The following PARD3B variants were observed in gnomAD, a reference collection of about 807,000 sequenced individuals.
PARD3B encodes the protein partitioning defective 3 homolog B.
PARD3B carries 103 observed loss-of-function variants against 130.2 expected under a neutral mutation model. The ratio of observed to expected loss-of-function variants is 0.79; its 90% CI spans 0.67 to 0.93. PARD3B has a LOEUF of 0.93. Ranked by LOEUF, PARD3B falls within the 40% of genes least tolerant of loss-of-function variation. The probability of loss-of-function intolerance (pLI) is 0.00; values close to 1 mark genes in which losing one functional copy is unlikely to be tolerated. For missense variants in PARD3B, 1,609 were observed against 1,499.2 expected, an observed-to-expected ratio of 1.07 and a Z score of -1.21; for synonymous variants, 583 against 553.2, an observed-to-expected ratio of 1.05 and a Z score of -0.76.
intron 2 of PARD3B, among the ~76,000 whole-genome samples, chr2:204,724,117 C>T (rs1176622015): frequency 3.3e-5 from 5 of 152,126 alleles, no homozygotes; most frequent in Non-Finnish European, 7.4e-5. Context: ...CTTAGCATTA[C>T]TTTTGATATT....
chr2:204,998,352 ATATATATGTGTG>A (rs1195671136), intron 3 of PARD3B, among the ~76,000 whole-genome samples: 1 of 74,932 alleles, frequency 1.3e-5, no homozygotes, highest in Non-Finnish European at 2.4e-5. Context: ...ATATATATAT[ATATATATGTGTG>A]TGTGTGTGTG....
At chr2:205,317,103 C>T (rs1462336142) in intron 18 of PARD3B, among the ~76,000 whole-genome samples, 2 of 151,996 alleles carry the variant, frequency 1.3e-5, no homozygotes, top group African/African-American at 2.4e-5. Context: ...TTGACTAAAC[C>T]CCTTTAGATA....
intron 1 of PARD3B, among the ~76,000 whole-genome samples, chr2:204,680,058 A>G (rs1249204069): frequency 6.6e-6 from 1 of 152,062 alleles, no homozygotes; most frequent in Non-Finnish European, 1.5e-5. Flanking sequence ...ATTGGTATCA[A>G]ATTTATGCTA....
intron 15 of PARD3B, among the ~76,000 whole-genome samples, chr2:205,203,389 C>A (rs1488738979): frequency 6.8e-6 from 1 of 147,096 alleles, no homozygotes; most frequent in Non-Finnish European, 1.5e-5. Flanking sequence ...TTTTTTTTTT[C>A]ACTTTTTATT....
At chr2:204,587,976 C>A (rs542395448) in intron 1 of PARD3B, among the ~76,000 whole-genome samples, 1 of 152,250 alleles carries the variant, frequency 6.6e-6, no homozygotes, top group African/African-American at 2.4e-5. Context: ...GTCAATTAAA[C>A]CTCTTTCATT....
chr2:205,174,575 G>T (rs182471240), intron 12 of PARD3B, among the ~76,000 whole-genome samples: 2 of 152,106 alleles, frequency 1.3e-5, no homozygotes, highest in East Asian at 3.9e-4. Context: ...TCATGTTTTT[G>T]CTGTATTCTC....
intron 18 of PARD3B, among the ~76,000 whole-genome samples, chr2:205,307,898 G>A (rs2042240827): frequency 6.6e-6 from 1 of 152,102 alleles, no homozygotes; most frequent in African/African-American, 2.4e-5. Flanking sequence ...TGAATGGAAA[G>A]GTTTGATATG....
intron 2 of PARD3B, among the ~76,000 whole-genome samples, chr2:204,847,985 A>T (rs959582257): frequency 6.6e-6 from 1 of 152,196 alleles, no homozygotes. Flanking sequence ...ATCTCACTTC[A>T]TCTGATCACG....
chr2:204,835,117 T>G (rs1012859881), intron 2 of PARD3B, among the ~76,000 whole-genome samples: 1 of 152,236 alleles, frequency 6.6e-6, no homozygotes, highest in Admixed American at 6.5e-5. Flanking sequence ...GATGCAGTGC[T>G]GAAATGAGCT....
chr2:205,263,045 C>A lies in PARD3B; in HGVS notation c.2185+17223C>A, dbSNP rs934979880. On this transcript the variant is annotated intron_variant, in intron 16 of 22. Transcript: ENST00000406610. The surrounding 1 kb of genome is among the most constrained non-coding windows in gnomAD (Gnocchi z 4.0). ...GCTAGATTGAAAGCCCAAGGTACTG[C>A]CATGGGGGTAATTTATGAATCTGGA... 1.3e-5 allele frequency among the ~76,000 whole-genome samples: 2 copies of A among 151,890 alleles called. No homozygotes were observed. The highest frequency in any genetic ancestry group is 3.9e-4 in the East Asian group (2 of 5,182).
intron 3 of PARD3B, among the ~76,000 whole-genome samples, chr2:204,992,535 G>T (rs1693809646): frequency 6.8e-6 from 1 of 147,554 alleles, no homozygotes. Flanking sequence ...TTGTTCTTTT[G>T]GCTTAGGATT....
At chr2:204,659,939 A>G (rs895886799) in intron 1 of PARD3B, among the ~76,000 whole-genome samples, 1 of 152,208 alleles carries the variant, frequency 6.6e-6, no homozygotes, top group African/African-American at 2.4e-5. Context: ...TAATTCTAGC[A>G]TTAATGCCAT....
At chr2:205,136,003 TC>T (rs1256727300) in intron 10 of PARD3B, among the ~76,000 whole-genome samples, 2 of 152,304 alleles carry the variant, frequency 1.3e-5, no homozygotes, top group East Asian at 3.9e-4. Context: ...AGTTTACACT[TC>T]TTAAAATCTG....
chr2:204,975,529 T>G (rs1692069403), intron 3 of PARD3B, among the ~76,000 whole-genome samples: 1 of 152,154 alleles, frequency 6.6e-6, no homozygotes, highest in Admixed American at 6.5e-5. Context: ...CCCAAATGAG[T>G]TCAGCAGGTG....
At chr2:205,383,125 T>TAGATAGATAGATAGAG (rs2045533911) in intron 18 of PARD3B, among the ~76,000 whole-genome samples, 8 of 149,392 alleles carry the variant, frequency 5.4e-5, no homozygotes, top group East Asian at 3.9e-4. Flanking sequence ...GATAGATAGA[T>TAGATAGATAGATAGAG]AGATAGATAG....
At chr2:204,577,034 T>C (rs1375862784) in intron 1 of PARD3B, among the ~76,000 whole-genome samples, 1 of 151,882 alleles carries the variant, frequency 6.6e-6, no homozygotes, top group African/African-American at 2.4e-5. Context: ...TTATTTTTCT[T>C]GGGGGGGGAT....
At position 205,183,273 on chromosome 2, in the gene PARD3B, T is replaced by G. The variant is rs1467875944; in HGVS notation, c.1925-2491T>G. 6.6e-6 allele frequency among the ~76,000 whole-genome samples: 1 copy of G among 152,062 alleles called. No homozygotes were observed. Among genetic ancestry groups the G allele is most frequent in the African/African-American group, 2.4e-5 (1 of 41,396 alleles). ...GTTTGCCAGGATCATAGACCTTTAT[T>G]CCGTAGGCAATGTGTGCAGCTGAAG... On this transcript the variant is annotated intron_variant, in intron 13 of 22. Coordinates refer to ENST00000406610, the MANE Select transcript of PARD3B (RefSeq NM_001302769.2). This position sits in a 1 kb window ranked among gnomAD's most constrained non-coding sequence, Gnocchi z 5.2.
chr2:204,583,143 A>G (rs1232793845), intron 1 of PARD3B, among the ~76,000 whole-genome samples: 4 of 139,552 alleles, frequency 2.9e-5, no homozygotes, highest in African/African-American at 1.1e-4. Flanking sequence ...CCAAATGACT[A>G]TAAATCATGC....
At chr2:204,642,481 T>G (rs1224345953) in intron 1 of PARD3B, among the ~76,000 whole-genome samples, 1 of 152,216 alleles carries the variant, frequency 6.6e-6, no homozygotes, top group Non-Finnish European at 1.5e-5. Flanking sequence ...GCAAGAAGAT[T>G]ACTTAGAAAA....
Sources: gnomAD v4.1 joint callset for allele counts (sites outside exome capture counted in the v4.1 genomes callset) on GRCh38, gnomAD v4.1.1 for gene constraint, Gnocchi (gnomAD v3.1) non-coding constraint, MANE v1.5 for transcripts, NCBI Gene and HGNC (gene_info 2026-07-23, HGNC 2026-07-21) for gene names.